The following TRIT1 variants were observed in gnomAD, a reference collection of about 807,000 sequenced individuals.
TRIT1 encodes the protein tRNA dimethylallyltransferase.
Under a neutral mutation model 51.2 loss-of-function variants are expected in TRIT1, and 43 were observed. That is an observed-to-expected ratio of 0.84 (90% CI 0.66 to 1.08). TRIT1 has a LOEUF of 1.08. Ranked by LOEUF, TRIT1 falls within the 50% of genes least tolerant of loss-of-function variation. The pLI is 0.00. For synonymous variants in TRIT1, 184 were observed against 203.9 expected, an observed-to-expected ratio of 0.90 and a Z score of 0.83; for missense variants, 528 against 578.4, an observed-to-expected ratio of 0.91 and a Z score of 0.89.
At chr1:39,846,189 G>T (rs986782705) in intron 8 of TRIT1, among the ~76,000 whole-genome samples, 2 of 152,224 alleles carry the variant, frequency 1.3e-5, no homozygotes, top group East Asian at 3.8e-4. Context: ...AACTCCACTG[G>T]AGAGCTCAGG....
intron 1 of TRIT1, among the ~76,000 whole-genome samples, chr1:39,872,251 A>G (rs1362040714): frequency 2.0e-5 from 3 of 152,092 alleles, no homozygotes; most frequent in Non-Finnish European, 4.4e-5. Flanking sequence ...ATATCTGGGA[A>G]CCCAGGATAG....
rs1362766771 is a variant in TRIT1, at chr1:39,841,047, A to G, written c.*697T>C. 2 of 152,244 alleles carry G rather than the reference A, an allele frequency of 1.3e-5. No homozygotes were observed. The highest frequency in any genetic ancestry group is 2.9e-5 in the Non-Finnish European group (2 of 68,048). The allele number at this position is 152,244 out of a possible 1,614,324, so 9.4% of individuals were successfully genotyped here. On this transcript the variant is annotated 3_prime_UTR_variant, in exon 11 of 11. Coordinates refer to ENST00000316891, the MANE Select transcript of TRIT1 (RefSeq NM_017646.6). ...TTGTATATCTTTTTAAGGATCAAAG[A>G]GGCTCTTGTAAATTTTTTCTTTATT...
chr1:39,880,268 TAAAAAAAAAAAA>T (rs1553148795), intron 1 of TRIT1, among the ~76,000 whole-genome samples: 3 of 94,890 alleles, frequency 3.2e-5, no homozygotes, highest in East Asian at 3.2e-4. Flanking sequence ...AGACCTCAAA[TAAAAAAAAAAAA>T]AAAAAAAAAA....
chr1:39,868,880 T>A (rs1643702141), intron 1 of TRIT1, among the ~76,000 whole-genome samples: 1 of 151,650 alleles, frequency 6.6e-6, no homozygotes, highest in East Asian at 2.0e-4. Flanking sequence ...GCCAACGTGG[T>A]GAAACCCCGT....
chr1:39,853,003 T>C, intron 3 of TRIT1, 127 bp from the exon 4 acceptor site: 1 of 1,101,648 alleles, frequency 9.1e-7, no homozygotes, highest in South Asian at 1.6e-5. Flanking sequence ...TGAGAGATCA[T>C]AAACAGAAAA....
In TRIT1 at chr1:39,840,964, T is replaced by A. The variant is rs1437246167; in HGVS notation, c.*780A>T. 6.6e-6 allele frequency: 1 copy of A among 152,156 alleles called. No homozygotes were observed. The highest frequency in any genetic ancestry group is 6.5e-5 in the Admixed American group (1 of 15,274). The allele number at this position is 152,156 out of a possible 1,614,324, so 9.4% of individuals were successfully genotyped here. A position where few individuals can be genotyped will look rare whatever the true frequency, so the allele number is the denominator to read the frequency against. The stretch of plus-strand genomic sequence containing the variant: ...GCATGATCTACAAAAAGTGTCAAAT[T>A]TGAGAAAAAGCTATCACATTGATAA... On this transcript the variant is annotated 3_prime_UTR_variant, in exon 11 of 11. Transcript: ENST00000316891.
intron 1 of TRIT1, among the ~76,000 whole-genome samples, chr1:39,858,582 A>G (rs1452543545): frequency 6.6e-6 from 1 of 152,252 alleles, no homozygotes. Context: ...CACTACTACT[A>G]TCACAATAAC....
chr1:39,847,949 T>C, intron 6 of TRIT1, 37 bp downstream of exon 6: 1 of 1,575,872 alleles, frequency 6.3e-7, no homozygotes. Flanking sequence ...GTCTGCAAAA[T>C]ATGGACAGTA....
At chr1:39,856,260 C>T (rs1642890625) in intron 2 of TRIT1, among the ~76,000 whole-genome samples, 1 of 151,972 alleles carries the variant, frequency 6.6e-6, no homozygotes, top group Non-Finnish European at 1.5e-5. Context: ...GAGCCAAGAT[C>T]GCGCTATTGC....
chr1:39,849,236 C>T (rs1474859706), intron 5 of TRIT1, among the ~76,000 whole-genome samples: 1 of 152,142 alleles, frequency 6.6e-6, no homozygotes, highest in East Asian at 1.9e-4. Flanking sequence ...TTACTATTAT[C>T]TCTATTTTAC....
chr1:39,881,876 A>G (rs1644276724), intron 1 of TRIT1, among the ~76,000 whole-genome samples: 1 of 152,214 alleles, frequency 6.6e-6, no homozygotes, highest in Admixed American at 6.5e-5. Flanking sequence ...AAATCCATTA[A>G]TATCTCTGTC....
intron 1 of TRIT1, among the ~76,000 whole-genome samples, chr1:39,877,019 CAAA>C (rs529375001): frequency 0.27 from 19,729 of 73,636 alleles, 1,221 homozygotes; most frequent in African/African-American, 0.29. Context: ...AATGGGTCTT[CAAA>C]AAAAAAAAAA....
intron 1 of TRIT1, among the ~76,000 whole-genome samples, chr1:39,871,085 C>T (rs986408094): frequency 1.2e-4 from 19 of 152,020 alleles, no homozygotes; most frequent in African/African-American, 4.3e-4. Flanking sequence ...CTCAGCTATT[C>T]GGGAGGCTGA....
chr1:39,850,383 T>G, intron 4 of TRIT1, 122 bp from the exon 5 acceptor site: 2 of 1,283,332 alleles, frequency 1.6e-6, no homozygotes, highest in Non-Finnish European at 2.1e-6. Flanking sequence ...TGAAAGCCAG[T>G]CACGACAGTG....
rs554236571 is a variant in TRIT1, at chr1:39,841,705, GA to G, written c.*38del. The stretch of plus-strand genomic sequence containing the variant: ...AAACATACCCCTCCCTCCTGAACTG[GA>G]TCCCCACCACCTTTCCAAAGGCCAC... On this transcript the variant is annotated 3_prime_UTR_variant, in exon 11 of 11. Transcript: ENST00000316891. 2.1e-4 allele frequency: 326 copies of G among 1,574,980 alleles called. 3 individuals carry two copies. The East Asian group carries it at 6.3e-3, about 30-fold the overall frequency.
intron 1 of TRIT1, among the ~76,000 whole-genome samples, chr1:39,882,581 C>T (rs11576917): frequency 0.021 from 3,220 of 152,208 alleles, 68 homozygotes; most frequent in East Asian, 0.11. Context: ...AGGACAAAGC[C>T]CCTTCAACTT....
intron 1 of TRIT1, among the ~76,000 whole-genome samples, chr1:39,876,558 A>ATCTATCTATC (rs879423859): frequency 9.0e-6 from 1 of 111,728 alleles, no homozygotes; most frequent in Non-Finnish European, 2.4e-5. Context: ...CTATCTATCT[A>ATCTATCTATC]TATATATATA....
Position 39,857,348 on chromosome 1 carries a change from T to A in TRIT1, c.244A>T (p.Met82Leu), listed in dbSNP as rs775916635. Reference sequence around the variant, plus strand: ...ACAAGAGGATCCACAAAGCTGATCATGTGGTGCCGGCAGATTCTCTGCTCT... The same window carrying A: ...ACAAGAGGATCCACAAAGCTGATCAAGTGGTGCCGGCAGATTCTCTGCTCT... The part of the protein sequence containing the change: ...AQEQRICRHH[M>L]ISFVDPLVTN... The change falls in exon 2 of 11, where the codon ATG (methionine) becomes TTG (leucine). Residue 82 changes from methionine (M) to leucine (L), a missense_variant. This residue lies in a region of TRIT1 where 468 missense variants were observed against 522.6 expected (regional missense o/e 0.90). Coordinates refer to ENST00000316891, the MANE Select transcript of TRIT1 (RefSeq NM_017646.6). 6.2e-7 allele frequency: 1 copy of A among 1,614,062 alleles called. No individual in the cohort carries two copies. Among genetic ancestry groups the A allele is most frequent in the Admixed American group, 1.7e-5 (1 of 60,004 alleles).
chr1:39,848,189 A>G, intron 5 of TRIT1, 92 bp from the exon 6 acceptor site: 1 of 869,778 alleles, frequency 1.1e-6, no homozygotes, highest in Non-Finnish European at 1.9e-6. Context: ...ACAAAAAAAG[A>G]GAATTTGTCC....
Sources: allele counts gnomAD v4.1 joint callset (sites outside exome capture counted in the v4.1 genomes callset), GRCh38; gene constraint gnomAD v4.1.1; regional missense constraint gnomAD v4.1.1; transcripts MANE v1.5; gene names NCBI Gene and HGNC (gene_info 2026-07-23, HGNC 2026-07-21).